Variants in ARL14EPL observed in about 807,000 individuals in gnomAD.
ARL14EPL encodes the protein ARL14 effector protein-like.
In ARL14EPL, 17 loss-of-function variants were observed where a neutral mutation model predicts 15.9. That is an observed-to-expected ratio of 1.07 (90% confidence interval 0.73 to 1.60). ARL14EPL has a LOEUF of 1.60. Ranked by LOEUF, ARL14EPL falls within the 40% of genes most tolerant of loss-of-function variation. ARL14EPL has a pLI of 0.00. For synonymous variants in ARL14EPL, 78 were observed against 63.8 expected, an observed-to-expected ratio of 1.22 and a Z score of -1.06; for missense variants, 214 against 185.9, an observed-to-expected ratio of 1.15 and a Z score of -0.88.
chr5:116,045,745 A>AGAGTGTGTGTGTGTGT (rs1402557854), intron 1 of ARL14EPL, among the ~76,000 whole-genome samples: 7 of 148,650 alleles, frequency 4.7e-5, no homozygotes, highest in African/African-American at 1.7e-4. Flanking sequence ...GACCCACAGA[A>AGAGTGTGTGTGTGTGT]GTGTGTGTGT....
At chr5:116,049,067 C>A (rs74416544) in intron 1 of ARL14EPL, among the ~76,000 whole-genome samples, 372 of 152,270 alleles carry the variant, frequency 2.4e-3, no homozygotes, top group African/African-American at 8.5e-3. Context: ...CATGGCAAAT[C>A]AAGGAGCATG....
chr5:116,035,799 G>A (rs1749039609), intron 1 of ARL14EPL, among the ~76,000 whole-genome samples: 1 of 152,180 alleles, frequency 6.6e-6, no homozygotes, highest in Non-Finnish European at 1.5e-5. Flanking sequence ...GGAGGCTCTG[G>A]CCAGCTGCCG....
intron 1 of ARL14EPL, among the ~76,000 whole-genome samples, chr5:116,040,835 G>C (rs1260496722): frequency 6.8e-6 from 1 of 147,460 alleles, no homozygotes; most frequent in East Asian, 2.0e-4. Context: ...AAAAAAATTA[G>C]TCGGGCGTGG....
chr5:116,050,374 C>T (rs1192913362), intron 1 of ARL14EPL, among the ~76,000 whole-genome samples: 1 of 152,228 alleles, frequency 6.6e-6, no homozygotes, highest in South Asian at 2.1e-4. Context: ...TATTTGTTCA[C>T]TTCAGATAAT....
intron 1 of ARL14EPL, among the ~76,000 whole-genome samples, chr5:116,038,537 A>G (rs556174115): frequency 1.3e-5 from 2 of 152,202 alleles, no homozygotes; most frequent in South Asian, 2.1e-4. Flanking sequence ...AAGGCCTAAA[A>G]TATCATGCTG....
rs1277968434 is a variant in ARL14EPL at position 116,056,522 on chromosome 5, T to A, written c.237-2203T>A. ...TGTTTTTTTCTTGTAAATTTGTTTG[T>A]GTTCTTTGTAGATTCTGGATATTAG... On this transcript the variant is annotated intron_variant, in intron 3 of 3. Transcript: ENST00000686077. Among the ~76,000 whole-genome samples, 8 of 152,224 alleles carry A rather than the reference T, an allele frequency of 5.3e-5. No homozygotes were observed. In the East Asian group the frequency reaches 1.2e-3, roughly 22 times the overall value.
At chr5:116,040,301 C>G (rs1260536935) in intron 1 of ARL14EPL, among the ~76,000 whole-genome samples, 1 of 151,278 alleles carries the variant, frequency 6.6e-6, no homozygotes, top group African/African-American at 2.4e-5. Context: ...CTGTTATATA[C>G]CAAATGGCTA....
chr5:116,053,983 C>A (rs1749455278), intron 2 of ARL14EPL, 31 bp from the exon 3 acceptor site: 3 of 1,503,262 alleles, frequency 2.0e-6, no homozygotes, highest in Non-Finnish European at 2.7e-6. Context: ...CTATCTGGTT[C>A]TTACTATTAA....
At chr5:116,054,868 T>TA (rs1749478493) in intron 3 of ARL14EPL, among the ~76,000 whole-genome samples, 1 of 150,690 alleles carries the variant, frequency 6.6e-6, no homozygotes, top group Non-Finnish European at 1.5e-5. Context: ...TAAAAAATAA[T>TA]AAACTAAGAA....
At chr5:116,049,416 T>C (rs1749329323) in intron 1 of ARL14EPL, among the ~76,000 whole-genome samples, 3 of 152,226 alleles carry the variant, frequency 2.0e-5, no homozygotes, top group Admixed American at 6.5e-5. Context: ...AGGTCTGACA[T>C]TGCATGTGAG....
chr5:116,037,358 G>T (rs990829630), intron 1 of ARL14EPL, among the ~76,000 whole-genome samples: 1 of 152,224 alleles, frequency 6.6e-6, no homozygotes, highest in Non-Finnish European at 1.5e-5. Context: ...GTTCTGCATA[G>T]TCCATCTTGC....
At chr5:116,036,297 G>A (rs1209593758) in intron 1 of ARL14EPL, among the ~76,000 whole-genome samples, 1 of 152,192 alleles carries the variant, frequency 6.6e-6, no homozygotes, top group African/African-American at 2.4e-5. Context: ...ACTCTGAGAA[G>A]CCTCTCTGAA....
intron 1 of ARL14EPL, among the ~76,000 whole-genome samples, chr5:116,035,871 A>G (rs4546420): frequency 0.03 from 4,639 of 152,304 alleles, 163 homozygotes; most frequent in African/African-American, 0.086. Context: ...AATCCTGAGA[A>G]CTGGAATTCA....
At chr5:116,055,490 G>A (rs1749494413) in intron 3 of ARL14EPL, among the ~76,000 whole-genome samples, 1 of 152,076 alleles carries the variant, frequency 6.6e-6, no homozygotes, top group Admixed American at 6.6e-5. Context: ...GAAAATATTT[G>A]AACAGCTACA....
At chr5:116,053,709 T>C (rs1203315586) in intron 2 of ARL14EPL, among the ~76,000 whole-genome samples, 1 of 152,178 alleles carries the variant, frequency 6.6e-6, no homozygotes, top group Admixed American at 6.5e-5. Context: ...TGCATCCCCA[T>C]CAGATTTGGA....
chr5:116,050,388 T>G (rs940701919), intron 1 of ARL14EPL, among the ~76,000 whole-genome samples: 2 of 152,242 alleles, frequency 1.3e-5, no homozygotes, highest in Admixed American at 1.3e-4. Context: ...AGATAATGGC[T>G]TCCAGCTGCA....
intron 1 of ARL14EPL, among the ~76,000 whole-genome samples, chr5:116,040,979 C>CAAAAAAAAAAAAAAAAAAAAAA (rs56060606): frequency 1.4e-4 from 9 of 66,132 alleles, no homozygotes; most frequent in Non-Finnish European, 2.0e-4. Flanking sequence ...GATTCCCTCT[C>CAAAAAAAAAAAAAAAAAAAAAA]AAAAAAAAAA....
intron 1 of ARL14EPL, among the ~76,000 whole-genome samples, chr5:116,049,428 G>C (rs1749329531): frequency 6.6e-6 from 1 of 152,166 alleles, no homozygotes; most frequent in Non-Finnish European, 1.5e-5. Flanking sequence ...GCATGTGAGA[G>C]TATCAAAGCA....
chr5:116,055,471 T>C (rs1249439842), intron 3 of ARL14EPL, among the ~76,000 whole-genome samples: 1 of 152,006 alleles, frequency 6.6e-6, no homozygotes, highest in African/African-American at 2.4e-5. Context: ...GTGGAATACA[T>C]ATAGAAGTGA....
Sources: gnomAD v4.1 joint callset for allele counts (sites outside exome capture counted in the v4.1 genomes callset) on GRCh38, gnomAD v4.1.1 for gene constraint, MANE v1.5 for transcripts, NCBI Gene and HGNC (gene_info 2026-07-23, HGNC 2026-07-21) for gene names.